Variants in DMD observed in about 807,000 individuals in gnomAD.
DMD encodes mutant dystrophin.
DMD carries 63 observed loss-of-function variants against 330.1 expected under a neutral mutation model. The ratio of observed to expected loss-of-function variants is 0.19; its 90% CI spans 0.16 to 0.24. The LOEUF is 0.24. Among genes scored for constraint, DMD ranks in the 10% least tolerant of loss-of-function variants. The pLI, the probability that DMD is intolerant of heterozygous loss-of-function variation, is 1.00. For missense variants in DMD, 3,344 were observed against 2,684.1 expected, an observed-to-expected ratio of 1.25 and a Z score of -5.43; for synonymous variants, 1,223 against 959.8, an observed-to-expected ratio of 1.27 and a Z score of -5.07.
chrX:32,651,683 A>C (rs2060166843), intron 9 of DMD, among the ~76,000 whole-genome samples: 1 of 111,644 alleles, frequency 9.0e-6, no homozygotes. Context: ...CAGACCCGGT[A>C]AATCCTCCAT....
intron 29 of DMD, among the ~76,000 whole-genome samples, chrX:32,424,154 G>A (rs1271852518): frequency 9.1e-6 from 1 of 110,133 alleles, no homozygotes; most frequent in African/African-American, 3.3e-5. Context: ...GCTGAAAATT[G>A]CAGTCACCTT....
intron 2 of DMD, among the ~76,000 whole-genome samples, chrX:32,850,769 CTCATGAGG>C (rs1032792660): frequency 8.9e-6 from 1 of 111,865 alleles, no homozygotes; most frequent in Admixed American, 9.5e-5. Flanking sequence ...CTACAATCCC[CTCATGAGG>C]TAATTCCCAG....
chrX:31,261,215 A>G (rs2050478198), intron 62 of DMD, 199 bp from the exon 63 acceptor site: 3 of 418,081 alleles, frequency 7.2e-6, no homozygotes, highest in Non-Finnish European at 1.2e-5. Flanking sequence ...TTGTTTCCAA[A>G]GAGAAAAGCA....
At chrX:33,064,458 TAG>T (rs754323743) in intron 1 of DMD, among the ~76,000 whole-genome samples, 3 of 112,217 alleles carry the variant, frequency 2.7e-5, no homozygotes, top group South Asian at 7.3e-4. Context: ...GATATGTAAT[TAG>T]AGTCTTTCAA....
chrX:33,197,441 G>GGT (rs370111253), intron 1 of DMD, among the ~76,000 whole-genome samples: 1,549 of 109,337 alleles, frequency 0.014, 30 homozygotes, highest in African/African-American at 0.048. Flanking sequence ...GTGTGACTCT[G>GGT]GTGTGTGTGT....
chrX:33,210,046 T>A (rs374215740), intron 1 of DMD, among the ~76,000 whole-genome samples: 1 of 110,591 alleles, frequency 9.0e-6, no homozygotes, highest in African/African-American at 3.3e-5. Flanking sequence ...ATATTTGTAA[T>A]GATAGTAAAT....
chrX:32,769,652 G>T lies in DMD; in HGVS notation c.649+39841C>A, dbSNP rs2073388772. ...TTTAAATAAGAATTAATAGAATTCA[G>T]TTGCACCAGGCCATCAAGACTAATC... On this transcript the variant is annotated intron_variant, in intron 7 of 78. Transcript: ENST00000357033. 3.6e-5 allele frequency among the ~76,000 whole-genome samples: 4 copies of T among 111,807 alleles called. No individual in the cohort carries two copies. In the South Asian group the frequency reaches 1.5e-3, roughly 42 times the overall value.
chrX:32,588,650 A>C (rs2054549780), intron 13 of DMD, among the ~76,000 whole-genome samples: 1 of 112,083 alleles, frequency 8.9e-6, no homozygotes, highest in Non-Finnish European at 1.9e-5. Flanking sequence ...ACTGACTTCA[A>C]TGTGGAGATT....
Position 33,063,792 on chromosome X carries a change from T to C in DMD, c.32-43592A>G, listed in dbSNP as rs2094609651. Among the ~76,000 whole-genome samples the C allele has an allele frequency of 4.5e-5, 5 of 110,546 alleles. No homozygotes were observed. In the Admixed American group the frequency reaches 4.9e-4, roughly 11 times the overall value. The stretch of plus-strand genomic sequence containing the variant: ...GAATCACTATCTCTATGCCGGGGCT[T>C]GGGCATATGGTTGAAAATTGCAGTC... On this transcript the variant is annotated intron_variant, in intron 1 of 78. Transcript: ENST00000357033.
intron 51 of DMD, among the ~76,000 whole-genome samples, chrX:31,744,170 G>C (rs1461226998): frequency 8.9e-6 from 1 of 111,754 alleles, no homozygotes. Flanking sequence ...ACCCCACAAA[G>C]TTTGCCATCT....
intron 16 of DMD, among the ~76,000 whole-genome samples, chrX:32,554,222 C>A (rs1165862014): frequency 8.9e-6 from 1 of 111,861 alleles, no homozygotes; most frequent in Non-Finnish European, 1.9e-5. Flanking sequence ...AATAAAAAAA[C>A]TAGCAAACCA....
chrX:31,318,461 A>T (rs368140755), intron 62 of DMD, among the ~76,000 whole-genome samples: 1 of 112,529 alleles, frequency 8.9e-6, no homozygotes, highest in East Asian at 2.8e-4. Context: ...TGTTGACTGA[A>T]GCAACTGTTA....
chrX:33,043,551 A>C (rs1205524843), intron 1 of DMD, among the ~76,000 whole-genome samples: 1 of 111,334 alleles, frequency 9.0e-6, no homozygotes, highest in Non-Finnish European at 1.9e-5. Flanking sequence ...AAACACACAC[A>C]CATATGCATG....
At chrX:32,095,987 TG>T (rs1468839752) in intron 44 of DMD, among the ~76,000 whole-genome samples, 3 of 111,338 alleles carry the variant, frequency 2.7e-5, no homozygotes, top group African/African-American at 9.8e-5. Flanking sequence ...ACATGTGCCA[TG>T]TTGGTGTGCT....
intron 1 of DMD, among the ~76,000 whole-genome samples, chrX:33,118,932 A>T (rs893623307): frequency 1.3e-4 from 14 of 111,982 alleles, no homozygotes; most frequent in African/African-American, 4.5e-4. Context: ...AGAGCTTCCC[A>T]GTACAACTAC....
chrX:31,381,912 C>T (rs2060202336), intron 60 of DMD, among the ~76,000 whole-genome samples: 1 of 111,664 alleles, frequency 9.0e-6, no homozygotes, highest in Non-Finnish European at 1.9e-5. Context: ...CGAGGATTTG[C>T]CCCCGCCCAG....
chrX:31,691,263 C>T (rs890480253), intron 52 of DMD, among the ~76,000 whole-genome samples: 1 of 110,948 alleles, frequency 9.0e-6, no homozygotes, highest in African/African-American at 3.3e-5. Flanking sequence ...CCACAAAGCA[C>T]AAACTTATAA....
chrX:32,882,370 T>C (rs2084040399), intron 2 of DMD, among the ~76,000 whole-genome samples: 2 of 112,324 alleles, frequency 1.8e-5, no homozygotes, highest in South Asian at 7.4e-4. Context: ...TTCCTCTTGT[T>C]ACATTATTTT....
rs145004511 is a variant in DMD at position 33,030,974 on chromosome X, A to T, written c.32-10774T>A. ...AACACAGGGCCTGGATTATAAGGGG[A>T]TATTTAAATCACAAGATGTATTTAC... On this transcript the variant is annotated intron_variant, in intron 1 of 78. Coordinates refer to ENST00000357033, the MANE Select transcript of DMD (RefSeq NM_004006.3). 2.4e-3 allele frequency among the ~76,000 whole-genome samples: 269 copies of T among 111,795 alleles called. 2 individuals carry two copies. The highest frequency in any genetic ancestry group is 8.4e-3 in the African/African-American group (259 of 30,747).
Sources: allele counts gnomAD v4.1 joint callset (sites outside exome capture counted in the v4.1 genomes callset), GRCh38; gene constraint gnomAD v4.1.1; transcripts MANE v1.5; gene names NCBI Gene and HGNC (gene_info 2026-07-23, HGNC 2026-07-21).